ACVR2B: variants seen among roughly 807,000 people sequenced by gnomAD.
The protein encoded by ACVR2B is activin A receptor type 2B.
A neutral mutation model predicts 65.1 loss-of-function variants in ACVR2B; 18 were observed. That is an observed-to-expected ratio of 0.28 (90% CI 0.19 to 0.41). ACVR2B has a LOEUF of 0.41. Among genes scored for constraint, ACVR2B ranks in the 10% least tolerant of loss-of-function variants. The pLI is 1.00. For missense variants in ACVR2B, 482 were observed against 682.7 expected, an observed-to-expected ratio of 0.71 and a Z score of 3.28; for synonymous variants, 298 against 277.7, an observed-to-expected ratio of 1.07 and a Z score of -0.73.
chr3:38,474,290 G>A (rs1354600890), intron 1 of ACVR2B: 1 of 152,348 alleles, frequency 6.6e-6, no homozygotes, highest in East Asian at 1.9e-4. Context: ...CTTATCAGTG[G>A]CCTGGAGAGA....
At position 38,488,541 on chromosome 3, in the gene ACVR2B, T is replaced by C. The variant is rs1190149191; in HGVS notation, c.*5209T>C. 1 of 152,214 alleles carries C rather than the reference T, an allele frequency of 6.6e-6. No individual in the cohort carries two copies. The highest frequency in any genetic ancestry group is 1.5e-5 in the Non-Finnish European group (1 of 68,040). 9.4% of individuals were successfully genotyped at this position (152,214 alleles called of 1,614,324 possible). On this transcript the variant is annotated 3_prime_UTR_variant, in exon 11 of 11. Transcript: ENST00000352511. ...GGACATTTTGAATGTTTTATGTTTA[T>C]TTTGGGTCCACTGTAAACTTTGGTT...
At chr3:38,479,398 T>C (rs1709977128) in intron 6 of ACVR2B, 127 bp downstream of exon 6, 1 of 1,411,722 alleles carries the variant, frequency 7.1e-7, no homozygotes, top group East Asian at 2.3e-5. Context: ...GGTAGCACTA[T>C]CCACTATGGG....
In ACVR2B at chr3:38,482,468, A is replaced by C. The variant is rs988287106; in HGVS notation, c.1252A>C (p.Ile418Leu). ...GTACATGCTGCCCTTTGAGGAAGAGATTGGCCAGCACCCTTCGTTGGAGGA... is the reference window on the plus strand; with the variant it reads ...GTACATGCTGCCCTTTGAGGAAGAGCTTGGCCAGCACCCTTCGTTGGAGGA... ...DEYMLPFEEE[I>L]GQHPSLEELQ... Residue 418 changes from isoleucine (I) to leucine (L), a missense_variant, in exon 10 of 11, where the codon ATT becomes CTT. By Grantham distance (5) the Ile-to-Leu change is conservative. Around this residue, in one of 5 missense-constraint regions of ACVR2B, gnomAD observed 223 missense variants for 386.3 expected, o/e 0.58. Coordinates refer to ENST00000352511, the MANE Select transcript of ACVR2B (RefSeq NM_001106.4). 4 of 1,612,722 alleles carry C rather than the reference A, an allele frequency of 2.5e-6. No individual in the cohort carries two copies. Among genetic ancestry groups the C allele is most frequent in the East Asian group, 2.2e-5 (1 of 44,836 alleles).
At chr3:38,470,896 AG>A (rs1169947828) in intron 1 of ACVR2B, among the ~76,000 whole-genome samples, 2 of 152,218 alleles carry the variant, frequency 1.3e-5, no homozygotes, top group African/African-American at 2.4e-5. Context: ...ATCCAAATAG[AG>A]GTAACGGTAG....
rs941201915 is a variant in ACVR2B, at chr3:38,483,425, A to G, written c.*93A>G. 2.3e-5 allele frequency: 27 copies of G among 1,180,340 alleles called. No homozygotes were observed. In the African/African-American group the frequency reaches 4.0e-4, roughly 18 times the overall value. 73.1% of individuals were successfully genotyped at this position (1,180,340 alleles called of 1,614,324 possible). A position where few individuals can be genotyped will look rare whatever the true frequency, so the allele number is the denominator to read the frequency against. On this transcript the variant is annotated 3_prime_UTR_variant, in exon 11 of 11. Transcript: ENST00000352511. This position sits in a 1 kb window ranked among gnomAD's most constrained non-coding sequence, Gnocchi z 4.8. ...GTTTTGGAAATCCCATAAAACCAACAAACACATAAAATGCAGCTGCTATTT... is the reference window on the plus strand; with the variant it reads ...GTTTTGGAAATCCCATAAAACCAACGAACACATAAAATGCAGCTGCTATTT...
At chr3:38,462,291 A>G (rs1709661718) in intron 1 of ACVR2B, among the ~76,000 whole-genome samples, 1 of 152,254 alleles carries the variant, frequency 6.6e-6, no homozygotes, top group South Asian at 2.1e-4. Context: ...AGTATAAAAC[A>G]TATACAGAAG....
chr3:38,470,276 T>C (rs972946802), intron 1 of ACVR2B, among the ~76,000 whole-genome samples: 1 of 152,168 alleles, frequency 6.6e-6, no homozygotes, highest in Non-Finnish European at 1.5e-5. Context: ...AAATATATAC[T>C]TAGACACATA....
At chr3:38,474,871 G>C (rs1284524543) in intron 1 of ACVR2B, 1 of 152,284 alleles carries the variant, frequency 6.6e-6, no homozygotes, top group Admixed American at 6.5e-5. Context: ...GCCAGAGGTG[G>C]TAACTTCCGA....
chr3:38,474,466 C>T lies in ACVR2B; in HGVS notation c.53-2821C>T, dbSNP rs551345257. The T allele has an allele frequency of 5.2e-5, 8 of 152,460 alleles. No individual in the cohort carries two copies. The East Asian group carries it at 1.2e-3, about 22-fold the overall frequency. The allele number at this position is 152,460 out of a possible 1,614,324, so 9.4% of individuals were successfully genotyped here. On this transcript the variant is annotated intron_variant, in intron 1 of 10. Transcript: ENST00000352511. ...TCGACATGTTGCTCTAGCCATGATA[C>T]CTATACCCTTCTGTCCTTCTGTCTG...
At chr3:38,467,727 A>G (rs1004798698) in intron 1 of ACVR2B, among the ~76,000 whole-genome samples, 3 of 148,440 alleles carry the variant, frequency 2.0e-5, no homozygotes, top group Non-Finnish European at 4.5e-5. Context: ...ACTCCAGCCT[A>G]GGTCACAGAG....
At chr3:38,479,888 G>A (rs1709987498) in intron 7 of ACVR2B, 62 bp downstream of exon 7, 2 of 1,585,926 alleles carry the variant, frequency 1.3e-6, no homozygotes, top group East Asian at 4.5e-5. Context: ...GGGTTGGTGG[G>A]CGAGAGCAGT....
Position 38,485,215 on chromosome 3 carries a change from A to G in ACVR2B, c.*1883A>G, listed in dbSNP as rs1710093834. On this transcript the variant is annotated 3_prime_UTR_variant, in exon 11 of 11. Transcript: ENST00000352511. ...ACATGTAATTCACATGTAACATGTA[A>G]CTTGATCGGTCAGTGTTCAGAATGA... The G allele has an allele frequency of 6.6e-6, 1 of 152,224 alleles. No individual in the cohort carries two copies. The highest frequency in any genetic ancestry group is 6.5e-5 in the Admixed American group (1 of 15,282). The allele number at this position is 152,224 out of a possible 1,614,324, so 9.4% of individuals were successfully genotyped here. A position where few individuals can be genotyped will look rare whatever the true frequency, so the allele number is the denominator to read the frequency against.
intron 1 of ACVR2B, among the ~76,000 whole-genome samples, chr3:38,457,331 C>T (rs1709567056): frequency 6.6e-6 from 1 of 152,228 alleles, no homozygotes; most frequent in Admixed American, 6.5e-5. Context: ...CCTTACAGAA[C>T]ATCCTCAACT....
At position 38,477,276 on chromosome 3, in the gene ACVR2B, C is replaced by T. The variant is rs780145629; in HGVS notation, c.53-11C>T. 1.9e-6 allele frequency: 3 copies of T among 1,613,922 alleles called. No individual in the cohort carries two copies. The highest frequency in any genetic ancestry group is 2.5e-6 in the Non-Finnish European group (3 of 1,179,900). The stretch of plus-strand genomic sequence containing the variant: ...GGCATGCTCAGTGGTTCTCTTTTCT[C>T]TGGGGCACAGGCTCTGGGCGTGGGG... On this transcript the variant is annotated splice_polypyrimidine_tract_variant and intron_variant, in intron 1 of 10. Transcript: ENST00000352511. This position sits in a 1 kb window ranked among gnomAD's most constrained non-coding sequence, Gnocchi z 6.7.
chr3:38,483,050 G>T lies in ACVR2B; in HGVS notation c.1345-88G>T. ...GCTGGTGGGCTCTGCCTGATCCTTG[G>T]GAATATCAAGTTTACTGTCCCCCAA... On this transcript the variant is annotated intron_variant, in intron 10 of 10. Transcript: ENST00000352511. This position sits in a 1 kb window ranked among gnomAD's most constrained non-coding sequence, Gnocchi z 4.8. The T allele has an allele frequency of 6.7e-7, 1 of 1,488,222 alleles. No homozygotes were observed. The highest frequency in any genetic ancestry group is 9.4e-7 in the Non-Finnish European group (1 of 1,067,880). 92.2% of individuals were successfully genotyped at this position (1,488,222 alleles called of 1,614,324 possible). A position where few individuals can be genotyped will look rare whatever the true frequency, so the allele number is the denominator to read the frequency against.
At position 38,484,413 on chromosome 3, in the gene ACVR2B, G is replaced by A. The variant is rs1710078755; in HGVS notation, c.*1081G>A. 6.6e-6 allele frequency: 1 copy of A among 152,276 alleles called. No individual in the cohort carries two copies. The highest frequency in any genetic ancestry group is 2.4e-5 in the African/African-American group (1 of 41,468). The allele number at this position is 152,276 out of a possible 1,614,324, so 9.4% of individuals were successfully genotyped here. ...ACAGATAGGGCAAGAGGATTTCCTG[G>A]GTGGAGTCTGCCAAGGCCTGCCTCG... On this transcript the variant is annotated 3_prime_UTR_variant, in exon 11 of 11. Coordinates refer to ENST00000352511, the MANE Select transcript of ACVR2B (RefSeq NM_001106.4).
intron 1 of ACVR2B, chr3:38,459,836 G>GT (rs1260186671): frequency 3.1e-5 from 7 of 225,310 alleles, no homozygotes; most frequent in African/African-American, 1.6e-4. Context: ...GGAGCGGTTG[G>GT]TATCTGTGGA....
chr3:38,482,055 A>T (rs1051777780), intron 8 of ACVR2B, 143 bp from the exon 9 acceptor site: 1 of 1,014,680 alleles, frequency 9.9e-7, no homozygotes, highest in Non-Finnish European at 1.5e-6. Context: ...AATGTGGTGA[A>T]TCGAGGTTTG....
At chr3:38,462,157 G>GCA (rs573337522) in intron 1 of ACVR2B, among the ~76,000 whole-genome samples, 94 of 152,200 alleles carry the variant, frequency 6.2e-4, no homozygotes, top group African/African-American at 2.2e-3. Context: ...TAGCACCACT[G>GCA]CACTCCAGCC....
Sources: allele counts gnomAD v4.1 joint callset (sites outside exome capture counted in the v4.1 genomes callset), GRCh38; gene constraint gnomAD v4.1.1; regional missense constraint gnomAD v4.1.1; non-coding constraint Gnocchi (gnomAD v3.1); transcripts MANE v1.5; gene names NCBI Gene and HGNC (gene_info 2026-07-23, HGNC 2026-07-21).